Variants in SLC12A1 observed in about 807,000 individuals in gnomAD.
SLC12A1 encodes the protein Na-K-2Cl cotransporter.
SLC12A1 carries 89 observed loss-of-function variants against 130.4 expected under a neutral mutation model. That is an observed-to-expected ratio of 0.68 (90% confidence interval 0.58 to 0.81). The LOEUF (loss-of-function observed/expected upper bound fraction) is 0.81. SLC12A1 is among the 40% of genes least tolerant of loss of function. SLC12A1 has a pLI of 0.00. For missense variants in SLC12A1, 1,310 were observed against 1,336.4 expected (o/e 0.98, Z 0.31); for synonymous variants, 499 against 460.0 (o/e 1.08, Z -1.09).
At chr15:48,287,227 C>T (rs915301221) in intron 21 of SLC12A1, among the ~76,000 whole-genome samples, 4 of 152,180 alleles carry the variant, frequency 2.6e-5, no homozygotes, top group African/African-American at 9.7e-5. Context: ...AGTTCCAACA[C>T]TGGCCGAGTT....
intron 11 of SLC12A1, among the ~76,000 whole-genome samples, chr15:48,246,307 T>C (rs990984812): frequency 1.3e-5 from 2 of 152,144 alleles, no homozygotes; most frequent in African/African-American, 4.8e-5. Flanking sequence ...TTCTGCTGGA[T>C]AGAATTCCCC....
chr15:48,261,011 G>C (rs1212093336), intron 17 of SLC12A1, among the ~76,000 whole-genome samples: 1 of 152,160 alleles, frequency 6.6e-6, no homozygotes, highest in Non-Finnish European at 1.5e-5. Flanking sequence ...GACAGGTTAA[G>C]TAATGACCAA....
At chr15:48,216,750 A>G (rs1409706993) in intron 2 of SLC12A1, among the ~76,000 whole-genome samples, 1 of 152,226 alleles carries the variant, frequency 6.6e-6, no homozygotes, top group African/African-American at 2.4e-5. Context: ...ATTTTAACAC[A>G]TTCCTCAATT....
chr15:48,288,442 A>G lies in SLC12A1; in HGVS notation c.2799A>G (p.Arg933=). ...TTATCCCCTATATCTTAACTCTCAG[A>G]AAAAAATGGAAAGACTGTAAATTAA... is the stretch of plus-strand genomic sequence containing the variant. ...TLLIPYILTL[R]KKWKDCKLRI... Residue 933 remains arginine, a synonymous_variant, in exon 23 of 27, where the codon AGA becomes AGG. Coordinates refer to ENST00000380993, the MANE Select transcript of SLC12A1 (RefSeq NM_000338.3). 1.9e-6 allele frequency: 3 copies of G among 1,548,916 alleles called. No individual in the cohort carries two copies. The highest frequency in any genetic ancestry group is 1.2e-5 in the South Asian group (1 of 84,146).
rs187689878 is a variant in SLC12A1, at chr15:48,301,555, C to G, written c.3164+173C>G. ...ACAGTGAAGGAAGGTAAGTGCCACT[C>G]TGAGACCTTGACCCCTCAGGCCCAT... On this transcript the variant is annotated intron_variant, in intron 26 of 26. Transcript: ENST00000380993. 7.4e-5 allele frequency among the ~76,000 whole-genome samples: 11 copies of G among 148,678 alleles called. No individual in the cohort carries two copies. In the East Asian group the frequency reaches 2.1e-3, roughly 29 times the overall value.
At chr15:48,264,376 T>C (rs1319374620) in intron 17 of SLC12A1, among the ~76,000 whole-genome samples, 1 of 152,132 alleles carries the variant, frequency 6.6e-6, no homozygotes, top group Admixed American at 6.5e-5. Context: ...GACACCTACC[T>C]CTTAACTCTT....
chr15:48,258,386 A>AAAAAAAAG (rs71120612), intron 16 of SLC12A1, among the ~76,000 whole-genome samples: 1 of 151,070 alleles, frequency 6.6e-6, no homozygotes, highest in East Asian at 1.9e-4. Flanking sequence ...AAAAAAAAAA[A>AAAAAAAAG]GAGTGACCTT....
At chr15:48,257,557 C>T (rs902933458) in intron 16 of SLC12A1, among the ~76,000 whole-genome samples, 4 of 152,182 alleles carry the variant, frequency 2.6e-5, no homozygotes, top group African/African-American at 9.7e-5. Context: ...GTCTTCTATG[C>T]ACCCACAGGA....
intron 23 of SLC12A1, among the ~76,000 whole-genome samples, chr15:48,291,376 A>G (rs1779644230): frequency 6.6e-6 from 1 of 151,736 alleles, no homozygotes; most frequent in African/African-American, 2.4e-5. Context: ...CTTATGATAT[A>G]TTGTATGATA....
intron 5 of SLC12A1, chr15:48,228,713 T>G (rs979343307): frequency 1.7e-5 from 3 of 178,806 alleles, no homozygotes; most frequent in African/African-American, 7.1e-5. Context: ...TATATGTACA[T>G]ATATCTATAT....
intron 17 of SLC12A1, 85 bp downstream of exon 17, chr15:48,259,396 G>C: frequency 2.1e-6 from 2 of 937,934 alleles, no homozygotes; most frequent in Admixed American, 3.4e-5. Context: ...GGTACATGCA[G>C]TGACAGGAAA....
At chr15:48,300,194 G>A (rs996395797) in intron 25 of SLC12A1, among the ~76,000 whole-genome samples, 7 of 151,988 alleles carry the variant, frequency 4.6e-5, no homozygotes, top group South Asian at 2.1e-4. Flanking sequence ...TTAGCCTGGT[G>A]AGGTAGCGTG....
At chr15:48,235,088 AC>A in intron 9 of SLC12A1, 84 bp downstream of exon 9, 1 of 1,335,652 alleles carries the variant, frequency 7.5e-7, no homozygotes, top group Non-Finnish European at 1.1e-6. Flanking sequence ...GTTAGATGTG[AC>A]CATATTACCC....
chr15:48,241,250 A>G (rs2041512342), intron 9 of SLC12A1, among the ~76,000 whole-genome samples: 1 of 152,198 alleles, frequency 6.6e-6, no homozygotes, highest in East Asian at 1.9e-4. Context: ...TACCTACTAT[A>G]CTTTTCTAAA....
intron 24 of SLC12A1, among the ~76,000 whole-genome samples, chr15:48,292,765 T>C (rs1031499316): frequency 6.6e-6 from 1 of 152,156 alleles, no homozygotes; most frequent in South Asian, 2.1e-4. Context: ...AATCCTAAAA[T>C]AGGGAACCTA....
intron 16 of SLC12A1, 45 bp downstream of exon 16, chr15:48,255,955 A>G (rs957424670): frequency 1.0e-5 from 12 of 1,185,670 alleles, no homozygotes; most frequent in Non-Finnish European, 9.9e-6. Flanking sequence ...CCACCCTAGA[A>G]GTGGCTCTCC....
intron 14 of SLC12A1, among the ~76,000 whole-genome samples, chr15:48,251,109 A>C (rs1270933425): frequency 1.3e-5 from 2 of 152,138 alleles, no homozygotes; most frequent in African/African-American, 4.8e-5. Context: ...AAGGGCAAGC[A>C]CTGTCCTCTT....
chr15:48,285,307 C>T, intron 21 of SLC12A1, 58 bp downstream of exon 21: 1 of 1,547,714 alleles, frequency 6.5e-7, no homozygotes. Flanking sequence ...ATTTGAGCAT[C>T]TATGAAGAGT....
intron 19 of SLC12A1, among the ~76,000 whole-genome samples, chr15:48,270,924 T>C (rs1386962345): frequency 6.7e-6 from 1 of 150,202 alleles, no homozygotes; most frequent in Non-Finnish European, 1.5e-5. Flanking sequence ...AGAAACACTG[T>C]AGAAAGTTGA....
Sources: gnomAD v4.1 joint callset for allele counts (sites outside exome capture counted in the v4.1 genomes callset) on GRCh38, gnomAD v4.1.1 for gene constraint, MANE v1.5 for transcripts, NCBI Gene and HGNC (gene_info 2026-07-23, HGNC 2026-07-21) for gene names.